RPS6KC1: variants seen among roughly 807,000 people sequenced by gnomAD.
The protein encoded by RPS6KC1 is inactive ribosomal protein S6 kinase delta-1.
Under a neutral mutation model 103.8 loss-of-function variants are expected in RPS6KC1, and 54 were observed. The ratio of observed to expected loss-of-function variants is 0.52; its 90% CI spans 0.42 to 0.65. RPS6KC1 has a LOEUF of 0.65. Ranked by LOEUF, RPS6KC1 falls within the 30% of genes least tolerant of loss-of-function variation. The pLI is 0.00. For missense variants in RPS6KC1, 1,151 were observed against 1,253.8 expected, an observed-to-expected ratio of 0.92 and a Z score of 1.24; for synonymous variants, 439 against 438.7, an observed-to-expected ratio of 1.00 and a Z score of -0.01.
the RPS6KC1 span, among the ~76,000 whole-genome samples, chr1:213,375,072 TACAC>T: frequency 7.3e-5 from 11 of 150,424 alleles, no homozygotes; most frequent in African/African-American, 2.7e-4. Context: ...TACACACACA[TACAC>T]ACATACACAC....
the RPS6KC1 span, among the ~76,000 whole-genome samples, chr1:213,571,323 C>T: frequency 6.6e-6 from 1 of 152,134 alleles, no homozygotes; most frequent in South Asian, 2.1e-4. Flanking sequence ...CAGTCCCTGC[C>T]CTTAGGGAAC....
At chr1:213,209,644 G>A (rs558722181) in intron 8 of RPS6KC1, among the ~76,000 whole-genome samples, 6 of 129,992 alleles carry the variant, frequency 4.6e-5, no homozygotes, top group African/African-American at 5.8e-5. Context: ...GCAATGAGCC[G>A]AGATCATGCC....
chr1:213,752,436 A>G, the RPS6KC1 span, among the ~76,000 whole-genome samples: 1 of 152,210 alleles, frequency 6.6e-6, no homozygotes, highest in Non-Finnish European at 1.5e-5. Context: ...TTAGCCTGCA[A>G]TCAGTTTGCC....
the RPS6KC1 span, among the ~76,000 whole-genome samples, chr1:213,568,329 A>C: frequency 1.3e-5 from 2 of 152,224 alleles, no homozygotes; most frequent in African/African-American, 4.8e-5. Context: ...TAACCAGATT[A>C]GTGCCAGTCT....
the RPS6KC1 span, among the ~76,000 whole-genome samples, chr1:213,586,878 A>G: frequency 6.6e-6 from 1 of 152,076 alleles, no homozygotes; most frequent in Non-Finnish European, 1.5e-5. Context: ...ACATTCCCAC[A>G]CTTTTGGGCT....
intron 12 of RPS6KC1, among the ~76,000 whole-genome samples, chr1:213,244,712 C>T (rs534053645): frequency 2.6e-5 from 4 of 152,102 alleles, no homozygotes; most frequent in Non-Finnish European, 4.4e-5. Flanking sequence ...TAATACAGAT[C>T]GGTTTCTAAG....
the RPS6KC1 span, among the ~76,000 whole-genome samples, chr1:213,734,992 C>T: frequency 2.6e-5 from 4 of 152,136 alleles, no homozygotes; most frequent in Middle Eastern, 3.2e-3. Context: ...GGCTTGATCT[C>T]GGCTCACTGC....
intron 6 of RPS6KC1, among the ~76,000 whole-genome samples, chr1:213,153,592 A>G (rs2089516968): frequency 6.6e-6 from 1 of 152,206 alleles, no homozygotes; most frequent in South Asian, 2.1e-4. Flanking sequence ...CTTCCTACTT[A>G]GGATAAGAGT....
the RPS6KC1 span, among the ~76,000 whole-genome samples, chr1:213,384,092 C>T: frequency 5.9e-5 from 9 of 152,054 alleles, no homozygotes; most frequent in South Asian, 2.1e-4. Flanking sequence ...CTGGCTAACA[C>T]GGTGAAACCC....
chr1:213,389,453 G>A, the RPS6KC1 span, among the ~76,000 whole-genome samples: 4 of 152,238 alleles, frequency 2.6e-5, no homozygotes, highest in Admixed American at 6.5e-5. Flanking sequence ...CTGCGGGCTT[G>A]CGGCGGATTT....
chr1:213,059,337 C>G (rs533510835), intron 1 of RPS6KC1, among the ~76,000 whole-genome samples: 1 of 152,226 alleles, frequency 6.6e-6, no homozygotes, highest in Non-Finnish European at 1.5e-5. Flanking sequence ...TCTTTTATTT[C>G]TTTTTCTTGC....
the RPS6KC1 span, among the ~76,000 whole-genome samples, chr1:213,466,773 TTGAGA>T: frequency 6.6e-6 from 1 of 151,972 alleles, no homozygotes; most frequent in African/African-American, 2.4e-5. Flanking sequence ...GATTTTGGGG[TTGAGA>T]TAAGAATATA....
intron 6 of RPS6KC1, among the ~76,000 whole-genome samples, chr1:213,162,385 A>G (rs2090561658): frequency 6.6e-6 from 1 of 151,972 alleles, no homozygotes; most frequent in Non-Finnish European, 1.5e-5. Flanking sequence ...GGCTCAAGCA[A>G]TCTTCCCATC....
At chr1:213,317,006 C>T in the RPS6KC1 span, among the ~76,000 whole-genome samples, 1 of 151,912 alleles carries the variant, frequency 6.6e-6, no homozygotes, top group African/African-American at 2.4e-5. Context: ...CTTATAGGAG[C>T]CGTAATAGAT....
chr1:213,157,215 ATTT>A (rs566969624), intron 6 of RPS6KC1, among the ~76,000 whole-genome samples: 3 of 141,100 alleles, frequency 2.1e-5, no homozygotes, highest in East Asian at 2.0e-4. Flanking sequence ...CCAATTTTTA[ATTT>A]TTTTTTTTTT....
At chr1:213,156,413 GA>G (rs2089893234) in intron 6 of RPS6KC1, among the ~76,000 whole-genome samples, 1 of 152,108 alleles carries the variant, frequency 6.6e-6, no homozygotes, top group Admixed American at 6.5e-5. Context: ...TGGAGAGGGG[GA>G]AACAAAATAT....
chr1:213,810,632 A>T, the RPS6KC1 span, among the ~76,000 whole-genome samples: 3 of 152,182 alleles, frequency 2.0e-5, no homozygotes, highest in Admixed American at 2.0e-4. Flanking sequence ...AAAGAAACAA[A>T]CACCATTAGC....
the RPS6KC1 span, among the ~76,000 whole-genome samples, chr1:213,803,617 T>C: frequency 6.6e-6 from 1 of 152,096 alleles, no homozygotes. Context: ...TCCAGAGTGG[T>C]CCAGAGATGG....
At chr1:213,550,478 A>G in the RPS6KC1 span, among the ~76,000 whole-genome samples, 1 of 152,176 alleles carries the variant, frequency 6.6e-6, no homozygotes. Context: ...TCCCCAGTGC[A>G]TCTCGAGACT....
Sources: gnomAD v4.1 joint callset for allele counts (sites outside exome capture counted in the v4.1 genomes callset) on GRCh38, gnomAD v4.1.1 for gene constraint, MANE v1.5 for transcripts, NCBI Gene and HGNC (gene_info 2026-07-23, HGNC 2026-07-21) for gene names.